The following AGBL4 variants were observed in gnomAD, a reference collection of about 807,000 sequenced individuals.
AGBL4 encodes cytosolic carboxypeptidase 6.
Under a neutral mutation model 66.4 loss-of-function variants are expected in AGBL4, and 58 were observed. That is an observed-to-expected ratio of 0.87 (90% CI 0.71 to 1.09). The LOEUF (loss-of-function observed/expected upper bound fraction) is 1.09. Among genes scored for constraint, AGBL4 ranks in the 50% least tolerant of loss-of-function variants. The pLI is 0.00. For missense variants in AGBL4, 579 were observed against 631.0 expected, an observed-to-expected ratio of 0.92 and a Z score of 0.88; for synonymous variants, 234 against 222.9, an observed-to-expected ratio of 1.05 and a Z score of -0.44.
chr1:48,527,005 A>C, the AGBL4 span, among the ~76,000 whole-genome samples: 1 of 152,110 alleles, frequency 6.6e-6, no homozygotes, highest in African/African-American at 2.4e-5. Flanking sequence ...TTGGAGCTTA[A>C]TTCTGTAAGT....
At chr1:49,535,695 T>C (rs1651518091) in intron 3 of AGBL4, among the ~76,000 whole-genome samples, 1 of 152,208 alleles carries the variant, frequency 6.6e-6, no homozygotes, top group South Asian at 2.1e-4. Flanking sequence ...GTTTGGTTTT[T>C]TTTGTTTGTT....
chr1:49,879,556 G>T (rs1647148518), intron 1 of AGBL4, among the ~76,000 whole-genome samples: 1 of 147,914 alleles, frequency 6.8e-6, no homozygotes, highest in Non-Finnish European at 1.5e-5. Context: ...GCTTCCCTTT[G>T]AGGGTAACCC....
chr1:49,495,101 T>C (rs755915750), intron 3 of AGBL4, among the ~76,000 whole-genome samples: 1 of 152,074 alleles, frequency 6.6e-6, no homozygotes, highest in Non-Finnish European at 1.5e-5. Context: ...CATCTGCAAA[T>C]GGGAGGAATA....
intron 3 of AGBL4, among the ~76,000 whole-genome samples, chr1:49,571,967 G>A (rs1266652185): frequency 6.6e-6 from 1 of 152,034 alleles, no homozygotes; most frequent in East Asian, 1.9e-4. Flanking sequence ...GATTCAGTGT[G>A]CAAGTATTTT....
At chr1:49,591,843 G>T (rs1288834625) in intron 3 of AGBL4, among the ~76,000 whole-genome samples, 1 of 152,068 alleles carries the variant, frequency 6.6e-6, no homozygotes, top group Non-Finnish European at 1.5e-5. Flanking sequence ...GGAGAAAGGG[G>T]TCCCTATTCA....
intron 6 of AGBL4, among the ~76,000 whole-genome samples, chr1:48,690,243 T>A (rs942701525): frequency 1.3e-5 from 2 of 152,206 alleles, no homozygotes; most frequent in African/African-American, 4.8e-5. Flanking sequence ...TGGAGGGTCA[T>A]GAGCACCAAG....
chr1:49,329,867 A>C (rs1277749297), intron 3 of AGBL4, among the ~76,000 whole-genome samples: 1 of 152,132 alleles, frequency 6.6e-6, no homozygotes, highest in African/African-American at 2.4e-5. Flanking sequence ...CATCTACATA[A>C]TATCACAAGG....
At chr1:48,870,128 C>T (rs979805171) in intron 5 of AGBL4, among the ~76,000 whole-genome samples, 1 of 151,880 alleles carries the variant, frequency 6.6e-6, no homozygotes, top group East Asian at 1.9e-4. Context: ...CTTTGAACAC[C>T]ACCTCCCAAA....
intron 3 of AGBL4, among the ~76,000 whole-genome samples, chr1:49,436,514 A>G (rs575265792): frequency 1.3e-3 from 192 of 152,292 alleles, no homozygotes; most frequent in African/African-American, 4.4e-3. Context: ...AAAATAATCA[A>G]GAGAATTTAT....
intron 6 of AGBL4, among the ~76,000 whole-genome samples, chr1:48,691,859 C>G (rs1646638606): frequency 6.6e-6 from 1 of 152,146 alleles, no homozygotes; most frequent in Non-Finnish European, 1.5e-5. Context: ...AATCTCTCAT[C>G]TGAGCCCCAC....
intron 1 of AGBL4, among the ~76,000 whole-genome samples, chr1:49,853,821 T>C (rs923153048): frequency 1.3e-5 from 2 of 152,198 alleles, no homozygotes; most frequent in Non-Finnish European, 2.9e-5. Flanking sequence ...TAAAATTTTA[T>C]ACCAACTGAA....
rs1453754260 is a variant in AGBL4 at position 49,071,544 on chromosome 1, C to T, written c.378-25744G>A. Among the ~76,000 whole-genome samples, 3 of 151,784 alleles carry T rather than the reference C, an allele frequency of 2.0e-5. No homozygotes were observed. The East Asian group carries it at 5.8e-4, about 29-fold the overall frequency. ...AGCAGGTTGTTCAGTTTCCATGTAG[C>T]AGTGCAGTTTTGAGTGAGTTTCTTA... On this transcript the variant is annotated intron_variant, in intron 4 of 13. Coordinates refer to ENST00000371839, the MANE Select transcript of AGBL4 (RefSeq NM_032785.4).
At chr1:50,021,730 G>A (rs184311659) in intron 1 of AGBL4, among the ~76,000 whole-genome samples, 135 of 152,144 alleles carry the variant, frequency 8.9e-4, no homozygotes, top group Admixed American at 2.2e-3. Flanking sequence ...TGTAGCTGGT[G>A]GAGAGTATAT....
intron 1 of AGBL4, among the ~76,000 whole-genome samples, chr1:49,949,719 T>C (rs1248354765): frequency 1.3e-5 from 2 of 151,614 alleles, no homozygotes; most frequent in Non-Finnish European, 3.0e-5. Flanking sequence ...TTGGTGTGGA[T>C]GCAGTGAACA....
intron 3 of AGBL4, among the ~76,000 whole-genome samples, chr1:49,620,709 A>G (rs544932079): frequency 9.9e-5 from 15 of 152,216 alleles, no homozygotes; most frequent in Non-Finnish European, 1.9e-4. Context: ...CACACAGTGC[A>G]AGGATTAAAC....
At chr1:49,179,455 A>G (rs1646889534) in intron 4 of AGBL4, among the ~76,000 whole-genome samples, 2 of 152,048 alleles carry the variant, frequency 1.3e-5, no homozygotes, top group Admixed American at 1.3e-4. Context: ...GTTCTGTCAA[A>G]TTGGTTTTGG....
intron 3 of AGBL4, among the ~76,000 whole-genome samples, chr1:49,335,797 G>A (rs1201665309): frequency 3.3e-5 from 5 of 152,104 alleles, no homozygotes; most frequent in Admixed American, 6.5e-5. Context: ...TTATAGGCGT[G>A]AGCCACCGTG....
At position 48,534,027 on chromosome 1, in the gene AGBL4, T is replaced by C; in HGVS notation, c.*146A>G. 1 of 1,303,420 alleles carries C rather than the reference T, an allele frequency of 7.7e-7. No individual in the cohort carries two copies. The highest frequency in any genetic ancestry group is 1.1e-6 in the Non-Finnish European group (1 of 930,220). 80.7% of individuals were successfully genotyped at this position (1,303,420 alleles called of 1,614,324 possible). A position where few individuals can be genotyped will look rare whatever the true frequency, so the allele number is the denominator to read the frequency against. The stretch of plus-strand genomic sequence containing the variant: ...CATTGGAAAAAGGGAAAATCAGTGA[T>C]GAAGTTTCTCATTGTATCCCTTCCC... On this transcript the variant is annotated 3_prime_UTR_variant, in exon 14 of 14. Coordinates refer to ENST00000371839, the MANE Select transcript of AGBL4 (RefSeq NM_032785.4).
At chr1:49,260,837 C>T (rs1041144127) in intron 3 of AGBL4, among the ~76,000 whole-genome samples, 31 of 151,834 alleles carry the variant, frequency 2.0e-4, no homozygotes, top group Non-Finnish European at 3.4e-4. Flanking sequence ...ATACCAAAGC[C>T]GGGCAGAGAC....
Sources: gnomAD v4.1 joint callset for allele counts (sites outside exome capture counted in the v4.1 genomes callset) on GRCh38, gnomAD v4.1.1 for gene constraint, MANE v1.5 for transcripts, NCBI Gene and HGNC (gene_info 2026-07-23, HGNC 2026-07-21) for gene names.